The following SYT14 variants were observed in gnomAD, a reference collection of about 807,000 sequenced individuals.
The protein encoded by SYT14 is synaptotagmin-14.
SYT14 carries 32 observed loss-of-function variants against 74.2 expected under a neutral mutation model. The observed-to-expected ratio is 0.43, with a 90% CI of 0.33 to 0.58. The LOEUF is 0.58. Among genes scored for constraint, SYT14 ranks in the 20% least tolerant of loss-of-function variants. SYT14 has a pLI of 0.05. For synonymous variants in SYT14, 298 were observed against 337.7 expected (o/e 0.88, Z 1.29); for missense variants, 791 against 981.8 (o/e 0.81, Z 2.60).
intron 2 of SYT14, among the ~76,000 whole-genome samples, chr1:210,005,703 T>G (rs1326313837): frequency 6.6e-6 from 1 of 151,976 alleles, no homozygotes; most frequent in African/African-American, 2.4e-5. Flanking sequence ...ATCATAATTC[T>G]AAAGCCTCAA....
At chr1:210,104,942 T>C (rs1281528742) in intron 7 of SYT14, among the ~76,000 whole-genome samples, 1 of 152,188 alleles carries the variant, frequency 6.6e-6, no homozygotes, top group African/African-American at 2.4e-5. Flanking sequence ...AACTGATATT[T>C]GACAAAGCTG....
intron 2 of SYT14, among the ~76,000 whole-genome samples, chr1:209,973,929 T>C (rs1160361380): frequency 6.6e-6 from 1 of 152,206 alleles, no homozygotes; most frequent in Non-Finnish European, 1.5e-5. Flanking sequence ...GGTATCTCAT[T>C]GTGGTTTTGA....
chr1:210,065,896 T>G, intron 5 of SYT14, among the ~76,000 whole-genome samples: 1 of 146,832 alleles, frequency 6.8e-6, no homozygotes, highest in African/African-American at 2.5e-5. Flanking sequence ...CCCACAACAG[T>G]CCCCGGTGTG....
rs567659294 is a variant in SYT14 at position 209,990,861 on chromosome 1, G to GGA, written c.-485-22770_-485-22769dup. The stretch of plus-strand genomic sequence containing the variant: ...GTCAGATTGGTATTATTACAAAGTT[G>GGA]GAGGTATCACTTTACCTGACTTCAA... On this transcript the variant is annotated intron_variant, in intron 2 of 9. Transcript: ENST00000637265. Among the ~76,000 whole-genome samples, 5 of 152,038 alleles carry GGA rather than the reference G, an allele frequency of 3.3e-5. No individual in the cohort carries two copies. In the East Asian group the frequency reaches 9.7e-4, roughly 29 times the overall value.
At chr1:210,066,994 A>G (rs2081308370) in intron 5 of SYT14, among the ~76,000 whole-genome samples, 1 of 152,090 alleles carries the variant, frequency 6.6e-6, no homozygotes, top group African/African-American at 2.4e-5. Context: ...TATATATAGT[A>G]TAAGATAAGG....
At chr1:210,040,786 G>A (rs2080772645) in intron 5 of SYT14, among the ~76,000 whole-genome samples, 1 of 152,142 alleles carries the variant, frequency 6.6e-6, no homozygotes, top group Admixed American at 6.5e-5. Context: ...AAATGGGTTT[G>A]TGTATGTAAC....
intron 2 of SYT14, among the ~76,000 whole-genome samples, chr1:209,987,177 A>G (rs1010291595): frequency 2.6e-5 from 4 of 152,138 alleles, no homozygotes; most frequent in African/African-American, 7.2e-5. Context: ...CCTCCAGACT[A>G]TTCTAACCTC....
At chr1:210,075,108 C>T (rs114467281) in intron 5 of SYT14, among the ~76,000 whole-genome samples, 1,678 of 152,282 alleles carry the variant, frequency 0.011, 41 homozygotes, top group African/African-American at 0.038. Flanking sequence ...CTCAGCGGCC[C>T]GGGCTCTCCT....
At chr1:210,138,762 TAA>T (rs2082844481) in intron 7 of SYT14, among the ~76,000 whole-genome samples, 1 of 152,168 alleles carries the variant, frequency 6.6e-6, no homozygotes, top group African/African-American at 2.4e-5. Context: ...TGGTTTAACT[TAA>T]AAAGTTTCTG....
intron 2 of SYT14, among the ~76,000 whole-genome samples, chr1:210,000,613 CTTTT>C (rs71146203): frequency 9.5e-6 from 1 of 105,440 alleles, no homozygotes; most frequent in Non-Finnish European, 1.8e-5. Context: ...TTTATGCCTT[CTTTT>C]TTTTTTTTTT....
intron 5 of SYT14, among the ~76,000 whole-genome samples, chr1:210,082,356 C>G (rs1326913990): frequency 1.3e-5 from 2 of 152,060 alleles, no homozygotes; most frequent in East Asian, 1.9e-4. Flanking sequence ...AGTTGAGAAC[C>G]GAAGAGACTA....
chr1:210,007,128 A>G (rs1024228034), intron 2 of SYT14, among the ~76,000 whole-genome samples: 3 of 151,874 alleles, frequency 2.0e-5, no homozygotes, highest in African/African-American at 7.2e-5. Flanking sequence ...ATTTTAAAAA[A>G]TTGGTATTTT....
Position 210,099,173 on chromosome 1 carries a change from G to A in SYT14, c.1585-839G>A, listed in dbSNP as rs982104891. Reference sequence around the variant, plus strand: ...AAGAGGCAAAGTGGTATAGTTGAAAGGTCAGAGACGTAGGTTTGACATTGT... The same window carrying A: ...AAGAGGCAAAGTGGTATAGTTGAAAAGTCAGAGACGTAGGTTTGACATTGT... On this transcript the variant is annotated intron_variant, in intron 6 of 9. Coordinates refer to ENST00000637265, the Ensembl canonical transcript of SYT14. Among the ~76,000 whole-genome samples the A allele has an allele frequency of 4.1e-4, 63 of 152,138 alleles. 1 individual carries two copies. Among genetic ancestry groups the A allele is most frequent in the African/African-American group, 1.4e-3 (58 of 41,484 alleles).
chr1:210,082,451 G>C, intron 5 of SYT14, among the ~76,000 whole-genome samples: 1 of 151,914 alleles, frequency 6.6e-6, no homozygotes, highest in Non-Finnish European at 1.5e-5. Context: ...AGAACATTTC[G>C]CTTCTGTTGG....
intron 1 of SYT14, among the ~76,000 whole-genome samples, chr1:209,948,193 T>C (rs2078852971): frequency 6.6e-6 from 1 of 152,250 alleles, no homozygotes; most frequent in African/African-American, 2.4e-5. Context: ...TGGATGTATT[T>C]CGATGGGGCT....
At chr1:210,028,320 G>T (rs141444666) in intron 5 of SYT14, among the ~76,000 whole-genome samples, 354 of 139,598 alleles carry the variant, frequency 2.5e-3, no homozygotes, top group Middle Eastern at 0.017. Flanking sequence ...ATTTTTAAGT[G>T]TGCAGCTCAA....
intron 5 of SYT14, among the ~76,000 whole-genome samples, chr1:210,043,605 G>A (rs1248525407): frequency 6.6e-6 from 1 of 152,148 alleles, no homozygotes; most frequent in African/African-American, 2.4e-5. Flanking sequence ...AACAAGCTTG[G>A]ATGCAGTATG....
intron 5 of SYT14, among the ~76,000 whole-genome samples, chr1:210,036,913 T>A (rs917310236): frequency 6.6e-6 from 1 of 151,884 alleles, no homozygotes; most frequent in Admixed American, 6.6e-5. Context: ...ATGTCTTTGG[T>A]TGGCTTTGGT....
chr1:210,000,295 G>T (rs1173603682), intron 2 of SYT14, among the ~76,000 whole-genome samples: 1 of 152,038 alleles, frequency 6.6e-6, no homozygotes, highest in Non-Finnish European at 1.5e-5. Flanking sequence ...ACATGTTTCG[G>T]TTTCCTTTTC....
Sources: allele counts gnomAD v4.1 joint callset (sites outside exome capture counted in the v4.1 genomes callset), GRCh38; gene constraint gnomAD v4.1.1; transcripts MANE v1.5; gene names NCBI Gene and HGNC (gene_info 2026-07-23, HGNC 2026-07-21).